The following ALYREF variants were observed in gnomAD, a reference collection of about 807,000 sequenced individuals.
The protein encoded by ALYREF is Aly/REF export factor.
Under a neutral mutation model 25.2 loss-of-function variants are expected in ALYREF, and 1 was observed. The ratio of observed to expected loss-of-function variants is 0.04; its 90% CI spans 0.01 to 0.19. The LOEUF is 0.19. Among genes scored for constraint, ALYREF ranks in the 10% least tolerant of loss-of-function variants. The pLI is 1.00. For synonymous variants in ALYREF, 193 were observed against 153.5 expected, an observed-to-expected ratio of 1.26 and a Z score of -1.90; for missense variants, 328 against 375.6, an observed-to-expected ratio of 0.87 and a Z score of 1.05.
rs1358037342 is a variant in ALYREF at position 81,890,903 on chromosome 17, C to T, written c.259-83G>A. 2.5e-6 allele frequency: 4 copies of T among 1,586,638 alleles called. No individual in the cohort carries two copies. The East Asian group carries it at 6.7e-5, about 27-fold the overall frequency. ...ACCCTCACGGCTACTCCGGACCCTTCCTCTTCCCGGCCTGAGAGGATCCGG... is the reference window on the plus strand; with the variant it reads ...ACCCTCACGGCTACTCCGGACCCTTTCTCTTCCCGGCCTGAGAGGATCCGG... On this transcript the variant is annotated intron_variant, in intron 1 of 5. Transcript: ENST00000505490.
At chr17:81,890,150 T>A (rs1264698520) in intron 2 of ALYREF, among the ~76,000 whole-genome samples, 4 of 152,012 alleles carry the variant, frequency 2.6e-5, no homozygotes, top group African/African-American at 4.8e-5. Flanking sequence ...TTTCTTTTTT[T>A]AAAAAAGAAA....
At chr17:81,890,332 C>T (rs1192024720) in intron 2 of ALYREF, among the ~76,000 whole-genome samples, 1 of 152,162 alleles carries the variant, frequency 6.6e-6, no homozygotes, top group African/African-American at 2.4e-5. Flanking sequence ...CTTTTTCTCA[C>T]ATTAACCCAC....
intron 1 of ALYREF, chr17:81,891,096 C>T: frequency 3.0e-6 from 2 of 674,806 alleles, no homozygotes; most frequent in South Asian, 2.0e-5. Context: ...ACGTCCGGAA[C>T]AAACAAAGAG....
chr17:81,888,683 C>A lies in ALYREF; in HGVS notation c.539-100G>T. 1.3e-6 allele frequency: 2 copies of A among 1,519,828 alleles called. No homozygotes were observed. Among genetic ancestry groups the A allele is most frequent in the Admixed American group, 4.1e-5 (2 of 48,664 alleles). 94.1% of individuals were successfully genotyped at this position (1,519,828 alleles called of 1,614,324 possible). ...TCTCCATGCAAACACTGGAAAGGGC[C>A]TCTGTGCGTCTCAAATGCCCCCGAC... On this transcript the variant is annotated intron_variant, in intron 3 of 5. Coordinates refer to ENST00000505490, the MANE Select transcript of ALYREF (RefSeq NM_005782.4). This position sits in a 1 kb window ranked among gnomAD's most constrained non-coding sequence, Gnocchi z 5.8.
At position 81,888,428 on chromosome 17, in the gene ALYREF, A is replaced by T; in HGVS notation, c.603-10T>A. Reference sequence around the variant, plus strand: ...GCCACCTCTGTTTACGCTAGCAAGGAAGACGAAACCGTTCACACACCCGGA... The same window carrying T: ...GCCACCTCTGTTTACGCTAGCAAGGTAGACGAAACCGTTCACACACCCGGA... On this transcript the variant is annotated splice_polypyrimidine_tract_variant and intron_variant, in intron 4 of 5. Transcript: ENST00000505490. This position sits in a 1 kb window ranked among gnomAD's most constrained non-coding sequence, Gnocchi z 5.8. 2 of 1,598,640 alleles carry T rather than the reference A, an allele frequency of 1.3e-6. No individual in the cohort carries two copies. Among genetic ancestry groups the T allele is most frequent in the Non-Finnish European group, 1.7e-6 (2 of 1,170,034 alleles).
chr17:81,890,127 T>C (rs543179877), intron 2 of ALYREF, among the ~76,000 whole-genome samples: 4 of 152,276 alleles, frequency 2.6e-5, no homozygotes, highest in Admixed American at 6.5e-5. Flanking sequence ...TGAAATGCCA[T>C]TGGGATTCAA....
In ALYREF at chr17:81,888,059, G is replaced by A. The variant is rs2039455767; in HGVS notation, c.*72C>T. The stretch of plus-strand genomic sequence containing the variant: ...ATCCATCATTGGCCGCACAGCCCCA[G>A]CCACCGCCCCCCAACCAGGGAGCAA... On this transcript the variant is annotated 3_prime_UTR_variant, in exon 6 of 6. Coordinates refer to ENST00000505490, the MANE Select transcript of ALYREF (RefSeq NM_005782.4). This position sits in a 1 kb window ranked among gnomAD's most constrained non-coding sequence, Gnocchi z 5.8. 1.9e-6 allele frequency: 3 copies of A among 1,598,888 alleles called. No individual in the cohort carries two copies. The highest frequency in any genetic ancestry group is 2.6e-6 in the Non-Finnish European group (3 of 1,168,614).
chr17:81,891,266 G>A, intron 1 of ALYREF, 57 bp downstream of exon 1: 1 of 1,081,006 alleles, frequency 9.3e-7, no homozygotes, highest in Non-Finnish European at 1.1e-6. Context: ...AGCGGCCCCG[G>A]CCCCAGCCCC....
Position 81,891,493 on chromosome 17 carries a change from G to A in ALYREF, c.88C>T (p.Arg30Trp). 8.0e-7 allele frequency: 1 copy of A among 1,254,068 alleles called. No homozygotes were observed. Among genetic ancestry groups the A allele is most frequent in the Non-Finnish European group, 1.0e-6 (1 of 981,636 alleles). 77.7% of individuals were successfully genotyped at this position (1,254,068 alleles called of 1,614,324 possible). A position where few individuals can be genotyped will look rare whatever the true frequency, so the allele number is the denominator to read the frequency against. ...IKLNRSQRGGRGGGRGRGRAG... is the reference protein window; with the variant it reads ...IKLNRSQRGGWGGGRGRGRAG... ...CGGCCGCGGCCCCGGCCCCCGCCCC[G>A]GCCGCCTCGCTGGCTCCGGTTCAGT... The change falls in exon 1 of 6, where the codon CGG becomes TGG. Residue 30 changes from arginine (R) to tryptophan (W), a missense_variant. Coordinates refer to ENST00000505490, the MANE Select transcript of ALYREF (RefSeq NM_005782.4).
chr17:81,890,252 G>C (rs137935308), intron 2 of ALYREF, among the ~76,000 whole-genome samples: 3,403 of 152,202 alleles, frequency 0.022, 112 homozygotes, highest in African/African-American at 0.079. Flanking sequence ...GTCTTTATAA[G>C]ACAGTACTCA....
chr17:81,888,818 G>A lies in ALYREF; in HGVS notation c.539-235C>T. ...CAGACTAGGTGGGCTGCTCGCTGAGGTATCGGGGTGCTCGTGGGTGGAGAG... is the reference window on the plus strand; with the variant it reads ...CAGACTAGGTGGGCTGCTCGCTGAGATATCGGGGTGCTCGTGGGTGGAGAG... On this transcript the variant is annotated intron_variant, in intron 3 of 5. Coordinates refer to ENST00000505490, the MANE Select transcript of ALYREF (RefSeq NM_005782.4). This position sits in a 1 kb window ranked among gnomAD's most constrained non-coding sequence, Gnocchi z 5.8. 7.0e-7 allele frequency: 1 copy of A among 1,422,546 alleles called. No individual in the cohort carries two copies. The highest frequency in any genetic ancestry group is 9.2e-7 in the Non-Finnish European group (1 of 1,091,208). 88.1% of individuals were successfully genotyped at this position (1,422,546 alleles called of 1,614,324 possible).
At chr17:81,890,615 C>A in intron 2 of ALYREF, 74 bp downstream of exon 2, 1 of 1,581,892 alleles carries the variant, frequency 6.3e-7, no homozygotes, top group Middle Eastern at 2.2e-4. Context: ...GAAGGGGACT[C>A]AGGGCCACAT....
At chr17:81,891,111 GA>G in intron 1 of ALYREF, 1 of 656,586 alleles carries the variant, frequency 1.5e-6, no homozygotes, top group Non-Finnish European at 2.4e-6. Flanking sequence ...AAAGAGCTGG[GA>G]AGGGTCTCAG....
At chr17:81,890,361 T>A (rs1342527964) in intron 2 of ALYREF, among the ~76,000 whole-genome samples, 1 of 152,082 alleles carries the variant, frequency 6.6e-6, no homozygotes, top group Non-Finnish European at 1.5e-5. Flanking sequence ...GCACAAAATT[T>A]AAAAAGCAAC....
Position 81,888,376 on chromosome 17 carries a change from A to G in ALYREF, c.645T>C (p.Gly215=). Residue 215 remains glycine, a synonymous_variant, in exon 5 of 6, where the codon GGT becomes GGC. Transcript: ENST00000505490. The surrounding 1 kb of genome is among the most constrained non-coding windows in gnomAD (Gnocchi z 5.8). The part of the protein sequence containing the change: ...GGMTRNRGAG[G]FGGGGGTRRG... ...TCCGGGTGCCTCCACCACCACCAAAACCTCCAGCGCCACGGTTTCTAGTCA... is the reference window on the plus strand; with the variant it reads ...TCCGGGTGCCTCCACCACCACCAAAGCCTCCAGCGCCACGGTTTCTAGTCA... The G allele has an allele frequency of 1.2e-6, 2 of 1,600,650 alleles. No individual in the cohort carries two copies.
At chr17:81,890,924 T>C in intron 1 of ALYREF, 104 bp from the exon 2 acceptor site, 2 of 1,535,960 alleles carry the variant, frequency 1.3e-6, no homozygotes, top group South Asian at 1.2e-5. Flanking sequence ...CCTGAGAGGA[T>C]CCGGCCGAAA....
rs764543521 is a variant in ALYREF, at chr17:81,888,121, G to A, written c.*10C>T. Reference sequence around the variant, plus strand: ...TGGGTCCTGTTCCGCACGCGGATTTGCTGGTCTGTTTAACTGGTGTCCATC... The same window carrying A: ...TGGGTCCTGTTCCGCACGCGGATTTACTGGTCTGTTTAACTGGTGTCCATC... On this transcript the variant is annotated 3_prime_UTR_variant, in exon 6 of 6. Transcript: ENST00000505490. The surrounding 1 kb of genome is among the most constrained non-coding windows in gnomAD (Gnocchi z 5.8). 6.2e-7 allele frequency: 1 copy of A among 1,614,154 alleles called. No individual in the cohort carries two copies. Among genetic ancestry groups the A allele is most frequent in the Non-Finnish European group, 8.5e-7 (1 of 1,180,032 alleles).
intron 2 of ALYREF, 45 bp downstream of exon 2, chr17:81,890,644 T>TC: frequency 6.2e-7 from 1 of 1,606,078 alleles, no homozygotes; most frequent in Non-Finnish European, 8.5e-7. Context: ...TCACGATCCG[T>TC]CCTGTGCAGG....
rs1038267687 is a variant in ALYREF, at chr17:81,887,967, A to G, written c.*164T>C. ...AGGTCTGTTTCAGAATTAAAAAAAA[A>G]AAAAAAGAAAAAAAAAAAACCTTTA... is the stretch of plus-strand genomic sequence containing the variant. On this transcript the variant is annotated 3_prime_UTR_variant, in exon 6 of 6. Coordinates refer to ENST00000505490, the MANE Select transcript of ALYREF (RefSeq NM_005782.4). 3.9e-5 allele frequency: 32 copies of G among 816,076 alleles called. No individual in the cohort carries two copies. The highest frequency in any genetic ancestry group is 5.5e-5 in the Non-Finnish European group (31 of 563,236). 50.6% of individuals were successfully genotyped at this position (816,076 alleles called of 1,614,324 possible). A position where few individuals can be genotyped will look rare whatever the true frequency, so the allele number is the denominator to read the frequency against.
Sources: gnomAD v4.1 joint callset for allele counts (sites outside exome capture counted in the v4.1 genomes callset) on GRCh38, gnomAD v4.1.1 for gene constraint, Gnocchi (gnomAD v3.1) non-coding constraint, MANE v1.5 for transcripts, NCBI Gene and HGNC (gene_info 2026-07-23, HGNC 2026-07-21) for gene names.